Variants in ST3GAL6 observed in about 807,000 individuals in gnomAD.
ST3GAL6 encodes the protein ST3 beta-galactoside alpha-2,3-sialyltransferase 6.
In ST3GAL6, 31 loss-of-function variants were observed where a neutral mutation model predicts 40.5. The ratio of observed to expected loss-of-function variants is 0.77; its 90% confidence interval spans 0.58 to 1.03. The LOEUF is 1.03. Ranked by LOEUF, ST3GAL6 falls within the 50% of genes least tolerant of loss-of-function variation. The pLI, the probability that ST3GAL6 is intolerant of heterozygous loss-of-function variation, is 0.00. For missense variants in ST3GAL6, 357 were observed against 393.2 expected, an observed-to-expected ratio of 0.91 and a Z score of 0.78; for synonymous variants, 129 against 136.9, an observed-to-expected ratio of 0.94 and a Z score of 0.40.
chr3:98,741,285 T>C (rs953445346), intron 1 of ST3GAL6, among the ~76,000 whole-genome samples: 3 of 152,084 alleles, frequency 2.0e-5, no homozygotes, highest in Non-Finnish European at 4.4e-5. Context: ...TGAAACAGCT[T>C]TACATATGCT....
intron 1 of ST3GAL6, chr3:98,732,946 C>A: frequency 6.6e-7 from 1 of 1,511,272 alleles, no homozygotes; most frequent in Non-Finnish European, 8.8e-7. Flanking sequence ...CCTCTGCGGT[C>A]GTCGCTCCTG....
At chr3:98,746,840 A>G (rs1180995268) in intron 1 of ST3GAL6, among the ~76,000 whole-genome samples, 1 of 152,186 alleles carries the variant, frequency 6.6e-6, no homozygotes, top group Non-Finnish European at 1.5e-5. Context: ...GAGTCTTCAC[A>G]TATTTGTTAA....
chr3:98,744,052 C>G (rs1323077263), intron 1 of ST3GAL6, among the ~76,000 whole-genome samples: 1 of 152,094 alleles, frequency 6.6e-6, no homozygotes, highest in Non-Finnish European at 1.5e-5. Context: ...TGATTAGTGT[C>G]CAGGTGAAGA....
rs573016996 is a variant in ST3GAL6 at position 98,740,396 on chromosome 3, T to A, written c.-12+7864T>A. Among the ~76,000 whole-genome samples, 56 of 152,278 alleles carry A rather than the reference T, an allele frequency of 3.7e-4. 2 individuals are homozygous for A. In the South Asian group the frequency reaches 0.012, roughly 32 times the overall value. On this transcript the variant is annotated intron_variant, in intron 1 of 9. Coordinates refer to the ST3GAL6 transcript ENST00000265261. ...AAATCCAGAGAATTTCTCTCACTGA[T>A]TTTTGAGGTTTTCTGCCATCTTATG...
In ST3GAL6 at chr3:98,758,264, G is replaced by T. The variant is rs150452381; in HGVS notation, c.-11-10166G>T. Reference sequence around the variant, plus strand: ...TGTTAAACATTGCTAGAGTCACCATGGTATTTGCTTCAACACCTAGGACAC... The same window carrying T: ...TGTTAAACATTGCTAGAGTCACCATTGTATTTGCTTCAACACCTAGGACAC... On this transcript the variant is annotated intron_variant, in intron 1 of 9. Coordinates refer to the ST3GAL6 transcript ENST00000265261. Among the ~76,000 whole-genome samples the T allele has an allele frequency of 2.9e-4, 44 of 152,260 alleles. 1 individual carries two copies. Among genetic ancestry groups the T allele is most frequent in the African/African-American group, 1.1e-3 (44 of 41,550 alleles).
intron 1 of ST3GAL6, among the ~76,000 whole-genome samples, chr3:98,748,883 T>G (rs1412809680): frequency 6.6e-6 from 1 of 152,230 alleles, no homozygotes; most frequent in East Asian, 1.9e-4. Flanking sequence ...CCTGGAATGT[T>G]CTTTCTTTCT....
chr3:98,751,306 C>G (rs964137988), intron 1 of ST3GAL6, among the ~76,000 whole-genome samples: 1 of 152,154 alleles, frequency 6.6e-6, no homozygotes, highest in Non-Finnish European at 1.5e-5. Context: ...AACTCAGGAA[C>G]TATACTTTCT....
intron 6 of ST3GAL6, among the ~76,000 whole-genome samples, chr3:98,786,297 G>A (rs923937894): frequency 2.6e-5 from 4 of 152,126 alleles, no homozygotes; most frequent in African/African-American, 9.7e-5. Flanking sequence ...CAAAGAAAAA[G>A]GAATGTGTAA....
At chr3:98,768,893 C>T (rs1403069077) in intron 2 of ST3GAL6, among the ~76,000 whole-genome samples, 1 of 152,136 alleles carries the variant, frequency 6.6e-6, no homozygotes, top group African/African-American at 2.4e-5. Flanking sequence ...TGATAAAATA[C>T]AGATATTACA....
intron 1 of ST3GAL6, chr3:98,732,950 G>C: frequency 1.3e-6 from 2 of 1,508,032 alleles, no homozygotes; most frequent in Non-Finnish European, 8.8e-7. Flanking sequence ...TGCGGTCGTC[G>C]CTCCTGGGCC....
At chr3:98,749,514 G>A (rs967957683) in intron 1 of ST3GAL6, among the ~76,000 whole-genome samples, 1 of 152,112 alleles carries the variant, frequency 6.6e-6, no homozygotes, top group Non-Finnish European at 1.5e-5. Context: ...TAGCAGAAAA[G>A]GTAAGGGAAA....
At chr3:98,733,064 C>T (rs2107227470) in intron 1 of ST3GAL6, 1 of 1,411,286 alleles carries the variant, frequency 7.1e-7, no homozygotes, top group Non-Finnish European at 9.2e-7. Context: ...GTCCGGGCGG[C>T]CTGGGGTCTG....
At chr3:98,766,248 C>T (rs551015752) in intron 1 of ST3GAL6, among the ~76,000 whole-genome samples, 2 of 152,120 alleles carry the variant, frequency 1.3e-5, no homozygotes, top group East Asian at 1.9e-4. Context: ...ATAAATTGCC[C>T]AAAGAGTATG....
chr3:98,748,609 C>T (rs902255758), intron 1 of ST3GAL6, among the ~76,000 whole-genome samples: 2 of 152,076 alleles, frequency 1.3e-5, no homozygotes, highest in Non-Finnish European at 1.5e-5. Flanking sequence ...GAATTACAGG[C>T]GCCTGCCACC....
At chr3:98,733,085 A>ACCCCCCCC in intron 1 of ST3GAL6, 1 of 1,349,272 alleles carries the variant, frequency 7.4e-7, no homozygotes, top group African/African-American at 1.5e-5. Flanking sequence ...TGCTGCCCCG[A>ACCCCCCCC]CCCTCCGGCT....
Position 98,791,804 on chromosome 3 carries a change from T to G in ST3GAL6, c.757-37T>G, listed in dbSNP as rs756852882. 3.8e-6 allele frequency: 6 copies of G among 1,584,152 alleles called. No homozygotes were observed. The African/African-American group carries it at 8.1e-5, about 21-fold the overall frequency. On this transcript the variant is annotated intron_variant, in intron 8 of 9. Coordinates refer to ENST00000483910, the MANE Select transcript of ST3GAL6 (RefSeq NM_001323368.2). ...ATATGCTTTGGTAACAAGTAGCTCC[T>G]TTTGCTTAAAAAAGTTTTTTTCATC...
intron 5 of ST3GAL6, chr3:98,782,990 G>T (rs901689369): frequency 3.8e-5 from 12 of 318,156 alleles, no homozygotes; most frequent in Non-Finnish European, 6.9e-5. Flanking sequence ...TGACAAATGT[G>T]GTCCTGGCAT....
intron 1 of ST3GAL6, among the ~76,000 whole-genome samples, chr3:98,767,902 A>AG (rs1938532963): frequency 6.6e-6 from 1 of 152,186 alleles, no homozygotes. Context: ...ATTGAGGATG[A>AG]GGGAAATGTT....
upstream of ST3GAL6, among the ~76,000 whole-genome samples, chr3:98,761,946 G>A (rs1937818406): frequency 6.6e-6 from 1 of 152,212 alleles, no homozygotes; most frequent in South Asian, 2.1e-4. Flanking sequence ...AGAAAATTCT[G>A]CTGAGAAGTC....
Sources: gnomAD v4.1 joint callset for allele counts (sites outside exome capture counted in the v4.1 genomes callset) on GRCh38, gnomAD v4.1.1 for gene constraint, MANE v1.5 for transcripts, NCBI Gene and HGNC (gene_info 2026-07-23, HGNC 2026-07-21) for gene names.